The following ANKRD11 variants were observed in gnomAD, a reference collection of about 807,000 sequenced individuals.
The protein encoded by ANKRD11 is ankyrin repeat domain 11.
In ANKRD11, 17 loss-of-function variants were observed where a neutral mutation model predicts 195.7. That is an observed-to-expected ratio of 0.09 (90% CI 0.06 to 0.13). The LOEUF (loss-of-function observed/expected upper bound fraction) is 0.13, where lower values mean the gene tolerates loss of function less well. Among genes scored for constraint, ANKRD11 ranks in the 10% least tolerant of loss-of-function variants. ANKRD11 has a pLI of 1.00. For synonymous variants in ANKRD11, 1,953 were observed against 1,528.1 expected (o/e 1.28, Z -6.49); for missense variants, 3,735 against 3,566.1 (o/e 1.05, Z -1.21).
In ANKRD11 at chr16:89,339,788, T is replaced by A. The variant is rs1162173763; in HGVS notation, c.-59-22710A>T. ...TACATAATGGTTGAAGCCCCTTATA[T>A]AAGCCCCACCCTGCTGTGGCTGCTC... On this transcript the variant is annotated intron_variant, in intron 2 of 12. Coordinates refer to ENST00000301030, the MANE Select transcript of ANKRD11 (RefSeq NM_013275.6). The A allele has an allele frequency of 2.6e-5, 4 of 152,254 alleles. No individual in the cohort carries two copies. In the East Asian group the frequency reaches 7.7e-4, roughly 29 times the overall value. The allele number at this position is 152,254 out of a possible 1,614,324, so 9.4% of individuals were successfully genotyped here. A position where few individuals can be genotyped will look rare whatever the true frequency, so the allele number is the denominator to read the frequency against.
intron 2 of ANKRD11, among the ~76,000 whole-genome samples, chr16:89,353,695 G>C (rs1200649923): frequency 6.6e-6 from 1 of 152,166 alleles, no homozygotes; most frequent in African/African-American, 2.4e-5. Context: ...GGCCAGGCTG[G>C]TTTCGAACTC....
chr16:89,416,359 T>C (rs976858198), intron 2 of ANKRD11, among the ~76,000 whole-genome samples: 4 of 152,044 alleles, frequency 2.6e-5, no homozygotes, highest in Non-Finnish European at 4.4e-5. Flanking sequence ...AAGTGCGGTG[T>C]TGTGATCTTG....
chr16:89,425,950 G>C lies in ANKRD11; in HGVS notation c.-144-7582C>G, dbSNP rs116811453. ...TCTTTATACCATTTAGCAGAAAAAG[G>C]TGCAAAGTGGATGAATGCAGAACGA... On this transcript the variant is annotated intron_variant, in intron 1 of 12. Coordinates refer to ENST00000301030, the MANE Select transcript of ANKRD11 (RefSeq NM_013275.6). Among the ~76,000 whole-genome samples, 1,009 of 152,268 alleles carry C rather than the reference G, an allele frequency of 6.6e-3. 10 individuals carry two copies. The highest frequency in any genetic ancestry group is 0.022 in the African/African-American group (932 of 41,548).
At chr16:89,323,194 G>A (rs2037444314) in intron 2 of ANKRD11, 1 of 710,820 alleles carries the variant, frequency 1.4e-6, no homozygotes, top group East Asian at 6.6e-5. Flanking sequence ...ACCTCACAGG[G>A]AGAGAAGTCT....
chr16:89,407,852 CAA>C (rs60723753), intron 2 of ANKRD11, among the ~76,000 whole-genome samples: 7,235 of 111,234 alleles, frequency 0.065, 316 homozygotes, highest in African/African-American at 0.14. Flanking sequence ...TGTCTCCCTC[CAA>C]AAAAAAAAAA....
intron 2 of ANKRD11, among the ~76,000 whole-genome samples, chr16:89,374,006 C>T (rs1002447647): frequency 2.6e-5 from 4 of 152,224 alleles, no homozygotes; most frequent in African/African-American, 7.2e-5. Flanking sequence ...ACAATACCTG[C>T]AGGACAGGAG....
chr16:89,363,178 AT>A (rs1253541592), intron 2 of ANKRD11, among the ~76,000 whole-genome samples: 14 of 152,238 alleles, frequency 9.2e-5, no homozygotes, highest in African/African-American at 2.7e-4. Flanking sequence ...GTTAAAAAAA[AT>A]ATACGATGTT....
chr16:89,295,736 G>A (rs997507853), intron 4 of ANKRD11, among the ~76,000 whole-genome samples: 1 of 151,590 alleles, frequency 6.6e-6, no homozygotes, highest in African/African-American at 2.4e-5. Context: ...GTGGGATGGG[G>A]GGGATGTGAC....
chr16:89,435,796 T>TCA (rs58503159), intron 1 of ANKRD11, among the ~76,000 whole-genome samples: 52,945 of 142,868 alleles, frequency 0.37, 9,737 homozygotes, highest in Non-Finnish European at 0.41. Context: ...CACCAGCTCT[T>TCA]CACACACACA....
rs1413750483 is a variant in ANKRD11, at chr16:89,407,839, T to C, written c.-60+10445A>G. Among the ~76,000 whole-genome samples, 14 of 124,784 alleles carry C rather than the reference T, an allele frequency of 1.1e-4. No homozygotes were observed. In the Admixed American group the frequency reaches 1.4e-3, roughly 12 times the overall value. 81.9% of individuals were successfully genotyped at this position (124,784 alleles called of 152,430 possible). A position where few individuals can be genotyped will look rare whatever the true frequency, so the allele number is the denominator to read the frequency against. On this transcript the variant is annotated intron_variant, in intron 2 of 12. Transcript: ENST00000301030. ...CACTCCCACCTGAGTGAGAGTCAGATCCTGTCTCCCTCCAAAAAAAAAAAA... is the reference window on the plus strand; with the variant it reads ...CACTCCCACCTGAGTGAGAGTCAGACCCTGTCTCCCTCCAAAAAAAAAAAA...
At chr16:89,304,183 C>G (rs185064483) in intron 4 of ANKRD11, among the ~76,000 whole-genome samples, 80 of 152,324 alleles carry the variant, frequency 5.3e-4, no homozygotes, top group African/African-American at 1.8e-3. Flanking sequence ...GCAAGCAGCT[C>G]AAGACAGAAT....
intron 2 of ANKRD11, among the ~76,000 whole-genome samples, chr16:89,351,961 AGTGCAGTG>A (rs1467794851): frequency 1.3e-5 from 2 of 152,192 alleles, no homozygotes; most frequent in African/African-American, 2.4e-5. Context: ...CCCAGGATGG[AGTGCAGTG>A]GTGCGATCGT....
At chr16:89,474,685 A>T (rs2057197755) in intron 1 of ANKRD11, among the ~76,000 whole-genome samples, 1 of 152,116 alleles carries the variant, frequency 6.6e-6, no homozygotes, top group Admixed American at 6.6e-5. Flanking sequence ...AAGCTCAGAG[A>T]GACTCCGAGA....
rs534247885 is a variant in ANKRD11, at chr16:89,394,791, A to G, written c.-60+23493T>C. The stretch of plus-strand genomic sequence containing the variant: ...AATTACACACAGCCATCTCCATAAT[A>G]TATGGCCCCGAGAGTTACACACATG... On this transcript the variant is annotated intron_variant, in intron 2 of 12. Coordinates refer to ENST00000301030, the MANE Select transcript of ANKRD11 (RefSeq NM_013275.6). 4.8e-4 allele frequency among the ~76,000 whole-genome samples: 73 copies of G among 152,226 alleles called. 1 individual carries two copies. The South Asian group carries it at 0.015, about 31-fold the overall frequency.
intron 1 of ANKRD11, among the ~76,000 whole-genome samples, chr16:89,472,347 A>G (rs927173419): frequency 2.0e-5 from 3 of 151,998 alleles, no homozygotes; most frequent in Admixed American, 2.0e-4. Flanking sequence ...GTCAGGTGCA[A>G]TATCAGGAGA....
In ANKRD11 at chr16:89,321,586, T is replaced by G. The variant is rs115360427; in HGVS notation, c.-59-4508A>C. ...GGACCATGGAGACTCACGGGTCCCC[T>G]CGGGCCTTCTGAACCCAAACCTGCA... On this transcript the variant is annotated intron_variant, in intron 2 of 12. Transcript: ENST00000301030. Among the ~76,000 whole-genome samples the G allele has an allele frequency of 5.6e-3, 851 of 152,222 alleles. 10 individuals carry two copies. The highest frequency in any genetic ancestry group is 0.019 in the African/African-American group (804 of 41,500).
intron 1 of ANKRD11, among the ~76,000 whole-genome samples, chr16:89,457,170 G>A (rs1369987630): frequency 2.0e-5 from 3 of 150,384 alleles, no homozygotes; most frequent in Non-Finnish European, 3.0e-5. Context: ...CGTTTTAGCC[G>A]GGATGGTCTC....
chr16:89,344,442 CCA>C (rs1265313482), intron 2 of ANKRD11, among the ~76,000 whole-genome samples: 1 of 152,192 alleles, frequency 6.6e-6, no homozygotes, highest in African/African-American at 2.4e-5. Flanking sequence ...CCACTGCTGT[CCA>C]CACACTCCTA....
At chr16:89,434,946 C>T (rs910249828) in intron 1 of ANKRD11, among the ~76,000 whole-genome samples, 7 of 152,176 alleles carry the variant, frequency 4.6e-5, no homozygotes, top group Admixed American at 3.3e-4. Context: ...TGAAGCAGGG[C>T]GCAGGCCCAG....
Sources: gnomAD v4.1 joint callset for allele counts (sites outside exome capture counted in the v4.1 genomes callset) on GRCh38, gnomAD v4.1.1 for gene constraint, MANE v1.5 for transcripts, NCBI Gene and HGNC (gene_info 2026-07-23, HGNC 2026-07-21) for gene names.